MICU1: variants seen among roughly 807,000 people sequenced by gnomAD.
The protein encoded by MICU1 is calcium uptake protein 1, mitochondrial.
Under a neutral mutation model 56.8 loss-of-function variants are expected in MICU1, and 45 were observed. The observed-to-expected ratio is 0.79, with a 90% confidence interval of 0.62 to 1.02. The LOEUF (loss-of-function observed/expected upper bound fraction) is 1.02. MICU1 is among the 50% of genes least tolerant of loss of function. MICU1 has a pLI of 0.00. For missense variants in MICU1, 504 were observed against 587.1 expected (o/e 0.86, Z 1.46); for synonymous variants, 186 against 195.1 (o/e 0.95, Z 0.39).
intron 1 of MICU1, among the ~76,000 whole-genome samples, chr10:72,610,509 C>T (rs1464241881): frequency 1.3e-5 from 2 of 152,060 alleles, no homozygotes; most frequent in Non-Finnish European, 2.9e-5. Flanking sequence ...GTAAAGCACT[C>T]TGAACATAAG....
chr10:72,451,897 C>G (rs1428025183), intron 8 of MICU1, among the ~76,000 whole-genome samples: 2 of 152,020 alleles, frequency 1.3e-5, no homozygotes, highest in Non-Finnish European at 2.9e-5. Flanking sequence ...TGGAGTCTCT[C>G]TCTGTCACCC....
intron 4 of MICU1, among the ~76,000 whole-genome samples, chr10:72,541,553 C>T (rs1839773726): frequency 6.6e-6 from 1 of 152,168 alleles, no homozygotes; most frequent in Non-Finnish European, 1.5e-5. Flanking sequence ...AGCCTCAGTG[C>T]ATGAGGACTG....
At position 72,558,160 on chromosome 10, in the gene MICU1, A is replaced by T. The variant is rs116815997; in HGVS notation, c.330+4735T>A. 2.1e-3 allele frequency among the ~76,000 whole-genome samples: 322 copies of T among 152,348 alleles called. 1 individual carries two copies. The highest frequency in any genetic ancestry group is 6.9e-3 in the African/African-American group (288 of 41,584). On this transcript the variant is annotated intron_variant, in intron 3 of 11. Transcript: ENST00000361114. ...TGTAAACGGATCTCACAATTCAAAGAGCAATTTTATATCTGAAAAGTACAG... is the reference window on the plus strand; with the variant it reads ...TGTAAACGGATCTCACAATTCAAAGTGCAATTTTATATCTGAAAAGTACAG...
intron 8 of MICU1, among the ~76,000 whole-genome samples, chr10:72,440,186 T>C (rs1589222185): frequency 1.3e-5 from 2 of 152,180 alleles, no homozygotes; most frequent in Admixed American, 6.6e-5. Flanking sequence ...AGCATGGTAC[T>C]GGTACCAAAA....
At chr10:72,457,318 A>C (rs186052754) in intron 8 of MICU1, among the ~76,000 whole-genome samples, 5 of 151,220 alleles carry the variant, frequency 3.3e-5, no homozygotes, top group Non-Finnish European at 7.4e-5. Context: ...CCTGGGCTTA[A>C]GCAATCCTCC....
chr10:72,509,454 A>G, intron 5 of MICU1: 1 of 1,292,300 alleles, frequency 7.7e-7, no homozygotes, highest in Non-Finnish European at 1.0e-6. Context: ...TGGTTAACCA[A>G]CTGAAAATAC....
chr10:72,592,260 G>A (rs1181483458), intron 1 of MICU1, among the ~76,000 whole-genome samples: 1 of 151,834 alleles, frequency 6.6e-6, no homozygotes, highest in Non-Finnish European at 1.5e-5. Flanking sequence ...GCCTGCCACA[G>A]CCTCCCAAAG....
chr10:72,467,479 G>A (rs989944532), intron 8 of MICU1, among the ~76,000 whole-genome samples: 6 of 151,828 alleles, frequency 4.0e-5, no homozygotes, highest in African/African-American at 9.7e-5. Flanking sequence ...CACCACTCCC[G>A]GCCTAATTTT....
intron 9 of MICU1, among the ~76,000 whole-genome samples, chr10:72,422,900 G>A (rs1864223102): frequency 8.4e-5 from 2 of 23,784 alleles, no homozygotes; most frequent in South Asian, 7.0e-4. Context: ...AGTAGAGATG[G>A]GGTTTCACCA....
chr10:72,468,025 G>T (rs1440922160), intron 8 of MICU1: 2 of 151,928 alleles, frequency 1.3e-5, no homozygotes, highest in Non-Finnish European at 2.9e-5. Context: ...AGTAGAGACG[G>T]GGTATTGCCA....
chr10:72,512,862 G>A (rs1867523741), intron 5 of MICU1, among the ~76,000 whole-genome samples: 1 of 151,944 alleles, frequency 6.6e-6, no homozygotes, highest in Non-Finnish European at 1.5e-5. Flanking sequence ...ATGTCACCAT[G>A]CTCGGGTAAT....
At chr10:72,517,102 G>A (rs1867670429) in intron 5 of MICU1, among the ~76,000 whole-genome samples, 1 of 152,128 alleles carries the variant, frequency 6.6e-6, no homozygotes, top group Non-Finnish European at 1.5e-5. Flanking sequence ...GATCTCTCAA[G>A]TTACTCAAAG....
intron 8 of MICU1, among the ~76,000 whole-genome samples, chr10:72,444,890 A>G (rs574809887): frequency 9.2e-5 from 14 of 152,308 alleles, no homozygotes; most frequent in Non-Finnish European, 1.9e-4. Context: ...ATCTAACAGG[A>G]GCACAAGACA....
chr10:72,431,675 T>C (rs867688486), intron 8 of MICU1, among the ~76,000 whole-genome samples: 1 of 152,232 alleles, frequency 6.6e-6, no homozygotes, highest in Non-Finnish European at 1.5e-5. Context: ...GAGTGCCCAC[T>C]GCTTTGCATC....
chr10:72,594,572 TA>T (rs1209857510), intron 1 of MICU1, among the ~76,000 whole-genome samples: 1 of 151,866 alleles, frequency 6.6e-6, no homozygotes, highest in Non-Finnish European at 1.5e-5. Context: ...CATGAAAATT[TA>T]AAAATTTATC....
At chr10:72,503,403 A>C (rs950488635) in intron 6 of MICU1, among the ~76,000 whole-genome samples, 2 of 152,144 alleles carry the variant, frequency 1.3e-5, no homozygotes, top group African/African-American at 2.4e-5. Context: ...GACATTTAGC[A>C]ATATCTGGAG....
intron 8 of MICU1, chr10:72,467,877 T>G (rs1319986205): frequency 1.3e-5 from 2 of 151,522 alleles, no homozygotes. Flanking sequence ...TGCAATGGCA[T>G]GAGACTGGAG....
At chr10:72,421,007 A>AAT (rs1426238556) in intron 9 of MICU1, among the ~76,000 whole-genome samples, 2 of 134,310 alleles carry the variant, frequency 1.5e-5, no homozygotes, top group Non-Finnish European at 3.3e-5. Context: ...CGTCTCAAAA[A>AAT]AAAAAAAAAA....
intron 6 of MICU1, among the ~76,000 whole-genome samples, chr10:72,505,120 C>G (rs1041443108): frequency 2.0e-5 from 3 of 151,718 alleles, no homozygotes; most frequent in Non-Finnish European, 4.4e-5. Flanking sequence ...ATTACAGGCA[C>G]CCACCACCAC....
Sources: gnomAD v4.1 joint callset for allele counts (sites outside exome capture counted in the v4.1 genomes callset) on GRCh38, gnomAD v4.1.1 for gene constraint, MANE v1.5 for transcripts, NCBI Gene and HGNC (gene_info 2026-07-23, HGNC 2026-07-21) for gene names.